FKRP: variants seen among roughly 807,000 people sequenced by gnomAD.
FKRP encodes the protein fukutin related protein.
Under a neutral mutation model 30.6 loss-of-function variants are expected in FKRP, and 25 were observed. The ratio of observed to expected loss-of-function variants is 0.82; its 90% CI spans 0.60 to 1.14. The LOEUF is 1.14. Ranked by LOEUF, FKRP falls within the 50% of genes most tolerant of loss-of-function variation. FKRP has a pLI of 0.00. For missense variants in FKRP, 771 were observed against 727.8 expected (o/e 1.06, Z -0.68); for synonymous variants, 358 against 342.5 (o/e 1.05, Z -0.50).
chr19:46,756,101 G>A lies in FKRP; in HGVS notation c.651G>A (p.Pro217=), dbSNP rs1057522308. ...ACCTCTCGGCGCCCCTGGCCCGGCCGGTGGGCACCAGCCTCTTTCTGCAGA... is the reference window on the plus strand; with the variant it reads ...ACCTCTCGGCGCCCCTGGCCCGGCCAGTGGGCACCAGCCTCTTTCTGCAGA... The part of the protein sequence containing the change: ...LFNLSAPLAR[P]VGTSLFLQTA... The change falls in exon 4 of 4, where the codon CCG becomes CCA. Residue 217 remains proline (P), a synonymous_variant. Coordinates refer to ENST00000318584, the MANE Select transcript of FKRP (RefSeq NM_024301.5). This position sits in a 1 kb window ranked among gnomAD's most constrained non-coding sequence, Gnocchi z 6.6. 6 of 1,533,596 alleles carry A rather than the reference G, an allele frequency of 3.9e-6. No homozygotes were observed. The highest frequency in any genetic ancestry group is 2.4e-5 in the South Asian group (2 of 83,052). 95.0% of individuals were successfully genotyped at this position (1,533,596 alleles called of 1,614,324 possible).
rs769443891 is a variant in FKRP at position 46,755,690 on chromosome 19, G to C, written c.240G>C (p.Val80=). The change falls in exon 4 of 4, where the codon GTG becomes GTC. Residue 80 remains valine (V), a synonymous_variant. Coordinates refer to ENST00000318584, the MANE Select transcript of FKRP (RefSeq NM_024301.5). ...AGCAAGACCCAGCCCAGCCCGTGGT[G>C]GTGGCAGCCGACACGCTCCCCTACC... ...FLQQDPAQPV[V]VAADTLPYPP... is the part of the protein sequence containing the mutation. 4 of 1,587,992 alleles carry C rather than the reference G, an allele frequency of 2.5e-6. No individual in the cohort carries two copies. Among genetic ancestry groups the C allele is most frequent in the African/African-American group, 1.3e-5 (1 of 74,614 alleles).
At position 46,756,046 on chromosome 19, in the gene FKRP, T is replaced by C; in HGVS notation, c.596T>C (p.Val199Ala). The C allele has an allele frequency of 6.3e-7, 1 of 1,577,878 alleles. No individual in the cohort carries two copies. The highest frequency in any genetic ancestry group is 8.5e-7 in the Non-Finnish European group (1 of 1,170,834). ...PRCDALDGDA[V>A]VLLRARDLFN... ...TGCGACGCCCTGGACGGAGATGCTG[T>C]GGTGCTCCTGCGCGCCCGCGACCTC... Residue 199 changes from valine (V) to alanine (A), a missense_variant, in exon 4 of 4, where the codon GTG (valine) becomes GCG (alanine). Coordinates refer to ENST00000318584, the MANE Select transcript of FKRP (RefSeq NM_024301.5). The surrounding 1 kb of genome is among the most constrained non-coding windows in gnomAD (Gnocchi z 6.6).
At position 46,756,841 on chromosome 19, in the gene FKRP, A is replaced by T. The variant is rs2054939447; in HGVS notation, c.1391A>T (p.Asn464Ile). ...GGCTTCGTGGCGCAGGCGCCTAACA[A>T]CTACCGCCGCTTCCTGGAGCTCAAG... ...FAGFVAQAPN[N>I]YRRFLELKFG... The change falls in exon 4 of 4, where the codon AAC becomes ATC. Residue 464 changes from asparagine (N) to isoleucine (I), a missense_variant. Transcript: ENST00000318584. This position sits in a 1 kb window ranked among gnomAD's most constrained non-coding sequence, Gnocchi z 6.6. The T allele has an allele frequency of 6.2e-7, 1 of 1,601,638 alleles. No individual in the cohort carries two copies. The highest frequency in any genetic ancestry group is 8.5e-7 in the Non-Finnish European group (1 of 1,174,552).
At position 46,757,075 on chromosome 19, in the gene FKRP, A is replaced by G. The variant is rs1244389415; in HGVS notation, c.*137A>G. On this transcript the variant is annotated 3_prime_UTR_variant, in exon 4 of 4. Coordinates refer to ENST00000318584, the MANE Select transcript of FKRP (RefSeq NM_024301.5). ...CCAAGAAAGAAATTCTAAGGAGAGCATGAGAGAAGGCTGGCATTGGCAGGA... is the reference window on the plus strand; with the variant it reads ...CCAAGAAAGAAATTCTAAGGAGAGCGTGAGAGAAGGCTGGCATTGGCAGGA... 1 of 1,195,818 alleles carries G rather than the reference A, an allele frequency of 8.4e-7. No homozygotes were observed. Among genetic ancestry groups the G allele is most frequent in the African/African-American group, 1.5e-5 (1 of 65,940 alleles). The allele number at this position is 1,195,818 out of a possible 1,614,324, so 74.1% of individuals were successfully genotyped here.
chr19:46,754,518 A>G (rs1231811178), intron 3 of FKRP, among the ~76,000 whole-genome samples: 1 of 147,262 alleles, frequency 6.8e-6, no homozygotes, highest in African/African-American at 2.6e-5. Context: ...TGGCCTCCCA[A>G]ATTGCTGAGA....
chr19:46,746,502 C>T lies in FKRP; in HGVS notation c.-253+412C>T, dbSNP rs867067375. 129 of 796,202 alleles carry T rather than the reference C, an allele frequency of 1.6e-4. 2 individuals are homozygous for T. In the East Asian group the frequency reaches 9.8e-3, roughly 61 times the overall value. The allele number at this position is 796,202 out of a possible 1,614,324, so 49.3% of individuals were successfully genotyped here. On this transcript the variant is annotated intron_variant, in intron 1 of 3. Coordinates refer to ENST00000318584, the MANE Select transcript of FKRP (RefSeq NM_024301.5). ...GCGCGGCCGCGCCAACACCCCCCCC[C>T]CTCCCCCGCCGCAACCACCGCGCGC...
At position 46,756,702 on chromosome 19, in the gene FKRP, T is replaced by A. The variant is rs1167966366; in HGVS notation, c.1252T>A (p.Trp418Arg). The A allele has an allele frequency of 6.2e-7, 1 of 1,612,604 alleles. No homozygotes were observed. Among genetic ancestry groups the A allele is most frequent in the Admixed American group, 1.7e-5 (1 of 59,774 alleles). The change falls in exon 4 of 4, where the codon TGG becomes AGG. Residue 418 changes from tryptophan to arginine, a missense_variant. Physicochemically the swap from Trp to Arg is moderately radical, Grantham distance 101. Transcript: ENST00000318584. The surrounding 1 kb of genome is among the most constrained non-coding windows in gnomAD (Gnocchi z 6.6). ...SESNHLHVDL[W>R]PFYPRNGVMT... ...AAGCAACCACTTGCACGTGGACCTGTGGCCCTTCTACCCCCGCAATGGCGT... is the reference window on the plus strand; with the variant it reads ...AAGCAACCACTTGCACGTGGACCTGAGGCCCTTCTACCCCCGCAATGGCGT...
At chr19:46,746,189 G>T in intron 1 of FKRP, 99 bp downstream of exon 1, 1 of 1,539,390 alleles carries the variant, frequency 6.5e-7, no homozygotes, top group South Asian at 1.2e-5. Flanking sequence ...GGCTTTCTCG[G>T]CTTCGAAGCG....
intron 3 of FKRP, among the ~76,000 whole-genome samples, chr19:46,750,304 G>A (rs1223701073): frequency 6.6e-6 from 1 of 152,094 alleles, no homozygotes; most frequent in Non-Finnish European, 1.5e-5. Flanking sequence ...CCAGCAGGTG[G>A]CACCTCTTCA....
intron 3 of FKRP, among the ~76,000 whole-genome samples, chr19:46,753,502 A>G (rs909649064): frequency 1.3e-5 from 2 of 150,864 alleles, no homozygotes; most frequent in Non-Finnish European, 2.9e-5. Context: ...GTTTGAGAAA[A>G]TGTTCAGGGT....
upstream of FKRP, among the ~76,000 whole-genome samples, chr19:46,745,052 T>A (rs1234178742): frequency 7.5e-6 from 1 of 133,070 alleles, no homozygotes; most frequent in African/African-American, 2.8e-5. Context: ...TCTACCCCCG[T>A]TCCGAGATGC....
chr19:46,757,172 G>A lies in FKRP; in HGVS notation c.*234G>A, dbSNP rs543603798. ...ATGGTCATGCCCACTGGGAGCCGTG[G>A]ATATGCGTGGGGACATCCTGGGTCA... On this transcript the variant is annotated 3_prime_UTR_variant, in exon 4 of 4. Transcript: ENST00000318584. 2.4e-5 allele frequency: 15 copies of A among 629,764 alleles called. No individual in the cohort carries two copies. The highest frequency in any genetic ancestry group is 1.3e-4 in the South Asian group (7 of 53,650). The allele number at this position is 629,764 out of a possible 1,614,324, so 39.0% of individuals were successfully genotyped here.
Position 46,746,100 on chromosome 19 carries a change from G to A in FKRP, c.-253+10G>A. On this transcript the variant is annotated intron_variant, in intron 1 of 3. Coordinates refer to ENST00000318584, the MANE Select transcript of FKRP (RefSeq NM_024301.5). ...GCGGCGGCGGCAGCGGGTGAGGCCGGGCCGGGCCGGGCCGGGTTGGGGGTC... is the reference window on the plus strand; with the variant it reads ...GCGGCGGCGGCAGCGGGTGAGGCCGAGCCGGGCCGGGCCGGGTTGGGGGTC... 4 of 1,425,082 alleles carry A rather than the reference G, an allele frequency of 2.8e-6. No homozygotes were observed. The highest frequency in any genetic ancestry group is 2.8e-5 in the Admixed American group (1 of 35,480). The allele number at this position is 1,425,082 out of a possible 1,614,324, so 88.3% of individuals were successfully genotyped here. A position where few individuals can be genotyped will look rare whatever the true frequency, so the allele number is the denominator to read the frequency against.
At chr19:46,746,914 A>C (rs2054652293) in intron 1 of FKRP, 1 of 152,272 alleles carries the variant, frequency 6.6e-6, no homozygotes, top group South Asian at 2.1e-4. Flanking sequence ...GGTGGGGAGC[A>C]GCCTTCCCCT....
At chr19:46,746,456 C>T in intron 1 of FKRP, 2 of 994,734 alleles carry the variant, frequency 2.0e-6, no homozygotes, top group Non-Finnish European at 2.4e-6. Flanking sequence ...GGCCTGCGCG[C>T]CCGCTGTGCC....
At chr19:46,746,514 C>A (rs2054634274) in intron 1 of FKRP, 1 of 815,380 alleles carries the variant, frequency 1.2e-6, no homozygotes, top group Non-Finnish European at 1.5e-6. Context: ...TCCCCCGCCG[C>A]AACCACCGCG....
At chr19:46,746,035 C>CCCT, upstream of FKRP, 1 of 1,223,194 alleles carries the variant, frequency 8.2e-7, no homozygotes, top group Non-Finnish European at 1.0e-6. Flanking sequence ...CCTCCCGCCC[C>CCCT]CCCGCCGGCC....
rs1157201899 is a variant in FKRP, at chr19:46,755,477, C to G, written c.27C>G (p.Ala9=). 6.2e-7 allele frequency: 1 copy of G among 1,609,140 alleles called. No individual in the cohort carries two copies. Among genetic ancestry groups the G allele is most frequent in the Non-Finnish European group, 8.5e-7 (1 of 1,179,358 alleles). The change falls in exon 4 of 4, where the codon GCC becomes GCG. Residue 9 remains alanine (A), a synonymous_variant. Transcript: ENST00000318584. The part of the protein sequence containing the change: MRLTRCQA[A]LAAAITLNLL... ...TGCGGCTCACCCGCTGCCAGGCTGC[C>G]CTGGCGGCCGCCATCACCCTCAACC...
At position 46,755,558 on chromosome 19, in the gene FKRP, C is replaced by T. The variant is rs757482530; in HGVS notation, c.108C>T (p.Ala36=). The change falls in exon 4 of 4, where the codon GCC becomes GCT. Residue 36 remains alanine (A), a synonymous_variant. Transcript: ENST00000318584. ...WLQHQPRNSR[A]RGPRRASAAG... is the part of the protein sequence containing the mutation. Reference sequence around the variant, plus strand: ...AGCACCAGCCTAGGAATTCCCGGGCCCGGGGGCCCCGTCGTGCCTCTGCTG... The same window carrying T: ...AGCACCAGCCTAGGAATTCCCGGGCTCGGGGGCCCCGTCGTGCCTCTGCTG... 4 of 1,606,888 alleles carry T rather than the reference C, an allele frequency of 2.5e-6. No homozygotes were observed. Among genetic ancestry groups the T allele is most frequent in the Non-Finnish European group, 3.4e-6 (4 of 1,177,116 alleles).
Sources: gnomAD v4.1 joint callset for allele counts (sites outside exome capture counted in the v4.1 genomes callset) on GRCh38, gnomAD v4.1.1 for gene constraint, Gnocchi (gnomAD v3.1) non-coding constraint, MANE v1.5 for transcripts, NCBI Gene and HGNC (gene_info 2026-07-23, HGNC 2026-07-21) for gene names.